The following SLC24A2 variants were observed in gnomAD, a reference collection of about 807,000 sequenced individuals.
SLC24A2 encodes sodium/potassium/calcium exchanger 2.
A neutral mutation model predicts 62.0 loss-of-function variants in SLC24A2; 36 were observed. The observed-to-expected ratio is 0.58, with a 90% CI of 0.44 to 0.77. SLC24A2 has a LOEUF of 0.77. SLC24A2 is among the 30% of genes least tolerant of loss of function. The pLI is 0.00. For missense variants in SLC24A2, 846 were observed against 817.9 expected (o/e 1.03, Z -0.42); for synonymous variants, 358 against 294.0 (o/e 1.22, Z -2.23).
the SLC24A2 span, among the ~76,000 whole-genome samples, chr9:20,030,874 TC>T: frequency 6.6e-6 from 1 of 151,984 alleles, no homozygotes; most frequent in Non-Finnish European, 1.5e-5. Context: ...AATATGTCAT[TC>T]TATGTAGCTA....
the SLC24A2 span, among the ~76,000 whole-genome samples, chr9:19,826,116 C>CA: frequency 4.5e-5 from 5 of 112,210 alleles, no homozygotes; most frequent in Non-Finnish European, 7.1e-5. Flanking sequence ...AAGACCAGAA[C>CA]AAAAATGATC....
intron 8 of SLC24A2, among the ~76,000 whole-genome samples, chr9:19,528,554 T>C (rs1188726194): frequency 6.6e-6 from 1 of 152,152 alleles, no homozygotes. Context: ...TTGCAAACCA[T>C]GAATCCTAAC....
the SLC24A2 span, among the ~76,000 whole-genome samples, chr9:20,193,823 T>C: frequency 6.6e-6 from 1 of 152,088 alleles, no homozygotes; most frequent in African/African-American, 2.4e-5. Flanking sequence ...CCAAGAGGGT[T>C]TTTGTTTTGT....
chr9:20,182,828 A>G, the SLC24A2 span, among the ~76,000 whole-genome samples: 8 of 152,216 alleles, frequency 5.3e-5, no homozygotes, highest in Non-Finnish European at 8.8e-5. Flanking sequence ...ACATTCATGT[A>G]TAAGTATAAA....
chr9:19,912,863 G>T, the SLC24A2 span, among the ~76,000 whole-genome samples: 1 of 152,038 alleles, frequency 6.6e-6, no homozygotes, highest in African/African-American at 2.4e-5. Context: ...GATGTCAAAT[G>T]CCTGGTTGAC....
chr9:19,689,069 T>C (rs545916744), intron 2 of SLC24A2, among the ~76,000 whole-genome samples: 1 of 152,300 alleles, frequency 6.6e-6, no homozygotes, highest in Non-Finnish European at 1.5e-5. Context: ...CCCCAGCTAT[T>C]TTCCTAGTTG....
rs929853185 is a variant in SLC24A2, at chr9:19,512,829, T to G, written c.*3324A>C. 9 of 152,110 alleles carry G rather than the reference T, an allele frequency of 5.9e-5. No homozygotes were observed. The highest frequency in any genetic ancestry group is 1.3e-4 in the Non-Finnish European group (9 of 68,032). 9.4% of individuals were successfully genotyped at this position (152,110 alleles called of 1,614,324 possible). On this transcript the variant is annotated 3_prime_UTR_variant, in exon 11 of 11. Coordinates refer to ENST00000341998, the MANE Select transcript of SLC24A2 (RefSeq NM_020344.4). Reference sequence around the variant, plus strand: ...CAAAGAGAGTATCTGCAGTCTAAATTTTTGCTTTGTATTTTCTGTTGTGTA... The same window carrying G: ...CAAAGAGAGTATCTGCAGTCTAAATGTTTGCTTTGTATTTTCTGTTGTGTA...
chr9:20,111,455 G>C, the SLC24A2 span, among the ~76,000 whole-genome samples: 1 of 152,124 alleles, frequency 6.6e-6, no homozygotes, highest in African/African-American at 2.4e-5. Context: ...TCTAAACAAT[G>C]TCTGCATATT....
the SLC24A2 span, among the ~76,000 whole-genome samples, chr9:20,226,031 G>T: frequency 3.3e-5 from 5 of 152,114 alleles, no homozygotes; most frequent in African/African-American, 1.2e-4. Flanking sequence ...TGAAAACCCT[G>T]AAACTGTGGA....
the SLC24A2 span, among the ~76,000 whole-genome samples, chr9:20,291,081 C>A: frequency 7.2e-5 from 11 of 152,272 alleles, no homozygotes; most frequent in Middle Eastern, 3.4e-3. Flanking sequence ...CCACACATAT[C>A]AACAATGAAC....
the SLC24A2 span, among the ~76,000 whole-genome samples, chr9:20,258,843 A>G: frequency 1.0e-5 from 1 of 96,488 alleles, no homozygotes; most frequent in South Asian, 4.2e-4. Context: ...CTGTCTATCT[A>G]TCTATCTATC....
the SLC24A2 span, among the ~76,000 whole-genome samples, chr9:19,880,927 G>C: frequency 1.3e-5 from 2 of 152,180 alleles, no homozygotes; most frequent in African/African-American, 2.4e-5. Flanking sequence ...TCTGGAGCCA[G>C]ATTGCTTAGG....
the SLC24A2 span, among the ~76,000 whole-genome samples, chr9:20,002,757 C>G: frequency 6.6e-5 from 10 of 152,182 alleles, no homozygotes; most frequent in African/African-American, 2.4e-4. Context: ...AACAGCCAAA[C>G]ACTTCTGGAT....
At chr9:20,015,888 A>ATAATG in the SLC24A2 span, among the ~76,000 whole-genome samples, 1 of 152,346 alleles carries the variant, frequency 6.6e-6, no homozygotes, top group East Asian at 1.9e-4. Flanking sequence ...CCCACTTAAC[A>ATAATG]TCCCATTACA....
At chr9:19,725,997 G>A (rs910269141) in intron 2 of SLC24A2, among the ~76,000 whole-genome samples, 1 of 152,150 alleles carries the variant, frequency 6.6e-6, no homozygotes, top group Admixed American at 6.6e-5. Context: ...TCAGTATACA[G>A]GCTTCTTATT....
the SLC24A2 span, among the ~76,000 whole-genome samples, chr9:20,231,265 G>A: frequency 6.6e-6 from 1 of 152,116 alleles, no homozygotes; most frequent in Non-Finnish European, 1.5e-5. Flanking sequence ...TTCCAATTCT[G>A]TGAAGAAAGT....
chr9:19,568,790 C>G (rs1432002147), intron 7 of SLC24A2, among the ~76,000 whole-genome samples: 1 of 152,120 alleles, frequency 6.6e-6, no homozygotes, highest in African/African-American at 2.4e-5. Flanking sequence ...AATGCAATTG[C>G]CTGGTTCAAC....
At chr9:19,703,657 G>A (rs1327313586) in intron 2 of SLC24A2, among the ~76,000 whole-genome samples, 8 of 152,142 alleles carry the variant, frequency 5.3e-5, no homozygotes, top group African/African-American at 1.9e-4. Context: ...AAAATTAGAT[G>A]AATTGAAGAT....
At chr9:19,528,440 C>G (rs746864055) in intron 8 of SLC24A2, among the ~76,000 whole-genome samples, 2 of 152,172 alleles carry the variant, frequency 1.3e-5, no homozygotes, top group Non-Finnish European at 2.9e-5. Flanking sequence ...CTTGTCCTTT[C>G]TAAGGCCTGG....
Sources: allele counts gnomAD v4.1 joint callset (sites outside exome capture counted in the v4.1 genomes callset), GRCh38; gene constraint gnomAD v4.1.1; transcripts MANE v1.5; gene names NCBI Gene and HGNC (gene_info 2026-07-23, HGNC 2026-07-21).